NTM: variants seen among roughly 807,000 people sequenced by gnomAD.
The protein encoded by NTM is neurotrimin.
Under a neutral mutation model 42.1 loss-of-function variants are expected in NTM, and 13 were observed. The ratio of observed to expected loss-of-function variants is 0.31; its 90% CI spans 0.20 to 0.49. NTM has a LOEUF of 0.49. Ranked by LOEUF, NTM falls within the 20% of genes least tolerant of loss-of-function variation. The pLI is 0.99. For synonymous variants in NTM, 187 were observed against 179.2 expected (o/e 1.04, Z -0.35); for missense variants, 373 against 452.8 (o/e 0.82, Z 1.60).
chr11:131,748,309 G>C (rs1157827371), intron 1 of NTM, among the ~76,000 whole-genome samples: 1 of 152,236 alleles, frequency 6.6e-6, no homozygotes, highest in African/African-American at 2.4e-5. Context: ...TGTGGACATT[G>C]TCTGAAAATA....
chr11:131,569,145 C>CCT (rs2057192876), intron 1 of NTM, among the ~76,000 whole-genome samples: 1 of 141,028 alleles, frequency 7.1e-6, no homozygotes, highest in African/African-American at 3.1e-5. Context: ...TTTTCGTTTT[C>CCT]ATTTTTTTTT....
At chr11:132,256,998 C>A (rs958154470) in intron 4 of NTM, among the ~76,000 whole-genome samples, 13 of 152,216 alleles carry the variant, frequency 8.5e-5, no homozygotes, top group African/African-American at 2.9e-4. Context: ...CACCGCGCCC[C>A]ATCACTGTCA....
At chr11:131,577,891 G>T (rs1203536975) in intron 1 of NTM, among the ~76,000 whole-genome samples, 1 of 152,190 alleles carries the variant, frequency 6.6e-6, no homozygotes, top group Non-Finnish European at 1.5e-5. Context: ...GGTATTTCAG[G>T]AAGGCATTTT....
At chr11:131,711,574 G>T (rs547594908) in intron 1 of NTM, among the ~76,000 whole-genome samples, 1 of 152,228 alleles carries the variant, frequency 6.6e-6, no homozygotes, top group Non-Finnish European at 1.5e-5. Flanking sequence ...TCAGTGTGGC[G>T]ATTCCTCAGG....
At chr11:132,317,484 G>A (rs1360505056) in intron 7 of NTM, among the ~76,000 whole-genome samples, 2 of 152,006 alleles carry the variant, frequency 1.3e-5, no homozygotes, top group African/African-American at 4.8e-5. Flanking sequence ...CGTTTCTCTT[G>A]CCGCACCTTG....
chr11:131,933,307 G>A (rs962166015), intron 2 of NTM, among the ~76,000 whole-genome samples: 1 of 152,182 alleles, frequency 6.6e-6, no homozygotes, highest in Admixed American at 6.5e-5. Context: ...GGCATCACCT[G>A]GGCTCAGCTC....
intron 1 of NTM, among the ~76,000 whole-genome samples, chr11:131,588,774 C>G (rs1414667771): frequency 6.6e-6 from 1 of 152,168 alleles, no homozygotes; most frequent in Non-Finnish European, 1.5e-5. Context: ...TCTCCATCTG[C>G]TTATGAAGAC....
intron 4 of NTM, among the ~76,000 whole-genome samples, chr11:132,257,826 AG>A (rs1294317914): frequency 3.3e-5 from 5 of 152,200 alleles, no homozygotes; most frequent in Non-Finnish European, 7.4e-5. Flanking sequence ...TCTTTATAAA[AG>A]AATTTCTCCT....
intron 2 of NTM, among the ~76,000 whole-genome samples, chr11:131,946,481 G>A (rs943848410): frequency 1.3e-5 from 2 of 152,116 alleles, no homozygotes; most frequent in Non-Finnish European, 2.9e-5. Flanking sequence ...CAATTGTTAA[G>A]ACAAAATAAA....
chr11:132,100,207 C>T (rs1205846322), intron 2 of NTM, among the ~76,000 whole-genome samples: 1 of 152,204 alleles, frequency 6.6e-6, no homozygotes, highest in African/African-American at 2.4e-5. Context: ...GTAACCACAC[C>T]CATGTGTCCC....
intron 1 of NTM, among the ~76,000 whole-genome samples, chr11:131,641,642 A>G (rs2065143519): frequency 6.6e-6 from 1 of 152,188 alleles, no homozygotes; most frequent in Admixed American, 6.5e-5. Context: ...GGAAAAGACT[A>G]GATAATTGGC....
intron 3 of NTM, among the ~76,000 whole-genome samples, chr11:132,168,155 C>T (rs1333410081): frequency 6.6e-6 from 1 of 152,208 alleles, no homozygotes; most frequent in Non-Finnish European, 1.5e-5. Flanking sequence ...GTTCAAGATA[C>T]TGCTTGTACT....
chr11:131,447,993 G>A (rs1198440602), intron 1 of NTM, among the ~76,000 whole-genome samples: 1 of 152,240 alleles, frequency 6.6e-6, no homozygotes, highest in African/African-American at 2.4e-5. Flanking sequence ...AAGCCAGTAA[G>A]ATGAAACCTA....
chr11:131,476,216 T>C (rs1166268096), intron 1 of NTM, among the ~76,000 whole-genome samples: 1 of 152,214 alleles, frequency 6.6e-6, no homozygotes. Flanking sequence ...AAATTCATAA[T>C]CCATTCTCCA....
chr11:132,029,512 T>G (rs2075644099), intron 2 of NTM, among the ~76,000 whole-genome samples: 1 of 152,028 alleles, frequency 6.6e-6, no homozygotes, highest in Non-Finnish European at 1.5e-5. Flanking sequence ...TTGTTGACTT[T>G]CGGTTTGGTC....
intron 4 of NTM, among the ~76,000 whole-genome samples, chr11:132,247,904 G>A (rs912480064): frequency 6.6e-6 from 1 of 152,032 alleles, no homozygotes; most frequent in Admixed American, 6.6e-5. Context: ...TCTTAAATCT[G>A]AACTAGTTAA....
At chr11:132,309,844 T>G (rs2095224334) in intron 5 of NTM, among the ~76,000 whole-genome samples, 2 of 152,054 alleles carry the variant, frequency 1.3e-5, no homozygotes, top group Non-Finnish European at 2.9e-5. Flanking sequence ...TCACCTGAGG[T>G]CAGGAGTTGG....
rs543882139 is a variant in NTM at position 131,965,384 on chromosome 11, G to C, written c.167+53736G>C. On this transcript the variant is annotated intron_variant, in intron 2 of 8. Coordinates refer to ENST00000683400, the MANE Select transcript of NTM (RefSeq NM_001352005.2). Reference sequence around the variant, plus strand: ...ATAGAGTGAGGCAGAATAAAATAAGGGTTGTAAGAAAGGAATGCAGTCACT... The same window carrying C: ...ATAGAGTGAGGCAGAATAAAATAAGCGTTGTAAGAAAGGAATGCAGTCACT... 6.3e-4 allele frequency among the ~76,000 whole-genome samples: 96 copies of C among 152,146 alleles called. 1 individual carries two copies. The highest frequency in any genetic ancestry group is 1.1e-3 in the Non-Finnish European group (75 of 68,036).
At chr11:131,578,032 C>G (rs1187074800) in intron 1 of NTM, among the ~76,000 whole-genome samples, 1 of 152,198 alleles carries the variant, frequency 6.6e-6, no homozygotes, top group Admixed American at 6.5e-5. Flanking sequence ...TGATCAATGT[C>G]AAGCGGCAGG....
Sources: allele counts gnomAD v4.1 joint callset (sites outside exome capture counted in the v4.1 genomes callset), GRCh38; gene constraint gnomAD v4.1.1; transcripts MANE v1.5; gene names NCBI Gene and HGNC (gene_info 2026-07-23, HGNC 2026-07-21).